The following ABCC5 variants were observed in gnomAD, a reference collection of about 807,000 sequenced individuals.
The protein encoded by ABCC5 is ATP binding cassette subfamily C member 5, also known as ATP-binding cassette sub-family C member 5.
ABCC5 carries 61 observed loss-of-function variants against 160.9 expected under a neutral mutation model. That is an observed-to-expected ratio of 0.38 (90% CI 0.31 to 0.47). The LOEUF is 0.47. Among genes scored for constraint, ABCC5 ranks in the 20% least tolerant of loss-of-function variants. The pLI is 0.99. For synonymous variants in ABCC5, 666 were observed against 700.6 expected (o/e 0.95, Z 0.78); for missense variants, 1,308 against 1,813.3 (o/e 0.72, Z 5.06).
intron 5 of ABCC5, chr3:183,984,162 T>C: frequency 4.1e-6 from 4 of 985,446 alleles, no homozygotes; most frequent in Non-Finnish European, 4.8e-6. Context: ...GTGCTACTGG[T>C]GCACTAAGTT....
chr3:183,946,993 C>T (rs980532943), intron 23 of ABCC5, among the ~76,000 whole-genome samples: 4 of 152,082 alleles, frequency 2.6e-5, no homozygotes, highest in African/African-American at 9.7e-5. Flanking sequence ...AGAAAGAGGC[C>T]AGAGATGAAA....
At chr3:183,984,308 C>T in intron 5 of ABCC5, 2 of 985,740 alleles carry the variant, frequency 2.0e-6, no homozygotes, top group Non-Finnish European at 2.4e-6. Context: ...AAAACCACAA[C>T]AAAAGAAAGC....
In ABCC5 at chr3:183,963,730, C is replaced by T; in HGVS notation, c.2032-142G>A. 4.0e-6 allele frequency: 3 copies of T among 757,822 alleles called. No homozygotes were observed. The highest frequency in any genetic ancestry group is 6.0e-6 in the Non-Finnish European group (3 of 496,402). 46.9% of individuals were successfully genotyped at this position (757,822 alleles called of 1,614,324 possible). On this transcript the variant is annotated intron_variant, in intron 14 of 29. Coordinates refer to ENST00000334444, the MANE Select transcript of ABCC5 (RefSeq NM_005688.4). The surrounding 1 kb of genome is among the most constrained non-coding windows in gnomAD (Gnocchi z 4.6). Reference sequence around the variant, plus strand: ...GCAGATGAACTGCCATGCTGATTCCCCGCAGATGAACTGCCATGCTGATCC... The same window carrying T: ...GCAGATGAACTGCCATGCTGATTCCTCGCAGATGAACTGCCATGCTGATCC...
At chr3:183,945,765 T>G in intron 24 of ABCC5, 85 bp downstream of exon 24, 1 of 1,050,098 alleles carries the variant, frequency 9.5e-7, no homozygotes, top group Non-Finnish European at 1.5e-6. Flanking sequence ...ACAAGCCTCC[T>G]CCTTGTACAC....
intron 2 of ABCC5, among the ~76,000 whole-genome samples, chr3:183,995,502 T>C (rs762802511): frequency 3.3e-5 from 5 of 152,234 alleles, no homozygotes; most frequent in Non-Finnish European, 5.9e-5. Flanking sequence ...CTTTTTTGCC[T>C]ACAGATGTCC....
Position 183,937,925 on chromosome 3 carries a change from G to A in ABCC5, c.3830C>T (p.Pro1277Leu), listed in dbSNP as rs765425167. The change falls in exon 26 of 30, where the codon CCG becomes CTG. Residue 1277 changes from proline to leucine, a missense_variant. This residue lies in a region of ABCC5 where 163 missense variants were observed against 269.7 expected (regional missense o/e 0.60). Transcript: ENST00000334444. ...RSKLSIIPQE[P>L]VLFSGTVRSN... is the part of the protein sequence containing the mutation. ...CCTGACAGTGCCACTGAACAGCACC[G>A]GCTCTTGAGGAATGATAGAGAGTTT... 5 of 1,614,184 alleles carry A rather than the reference G, an allele frequency of 3.1e-6. No homozygotes were observed. Among genetic ancestry groups the A allele is most frequent in the African/African-American group, 1.3e-5 (1 of 75,044 alleles).
Position 183,989,307 on chromosome 3 carries a change from A to G in ABCC5, c.206T>C (p.Leu69Pro). Reference sequence around the variant, plus strand: ...GGGATGCTCCTCATCCAGGATTCTGAGCTGAGAATGCATGGAGGCATCAAG... The same window carrying G: ...GGGATGCTCCTCATCCAGGATTCTGGGCTGAGAATGCATGGAGGCATCAAG... ...LSLDASMHSQ[L>P]RILDEEHPKG... Residue 69 changes from leucine to proline, a missense_variant, in exon 3 of 30, where the codon CTC (leucine) becomes CCC (proline). By Grantham distance (98) the Leu-to-Pro change is moderately conservative. Transcript: ENST00000334444. 6.2e-7 allele frequency: 1 copy of G among 1,614,046 alleles called. No homozygotes were observed. The highest frequency in any genetic ancestry group is 8.5e-7 in the Non-Finnish European group (1 of 1,180,020).
At chr3:183,968,192 G>A (rs1577555912) in intron 11 of ABCC5, among the ~76,000 whole-genome samples, 1 of 152,004 alleles carries the variant, frequency 6.6e-6, no homozygotes, top group Non-Finnish European at 1.5e-5. Context: ...ACAGTGGTGC[G>A]ATCTTGGCTC....
intron 17 of ABCC5, among the ~76,000 whole-genome samples, chr3:183,956,567 A>C (rs78104109): frequency 0.15 from 14,065 of 91,170 alleles, 799 homozygotes; most frequent in East Asian, 0.36. Context: ...CATGCAGATC[A>C]GTGTGTATAT....
chr3:183,956,503 C>A (rs559883687), intron 17 of ABCC5, among the ~76,000 whole-genome samples: 6 of 143,628 alleles, frequency 4.2e-5, no homozygotes, highest in Middle Eastern at 3.9e-3. Context: ...CATGCGGATC[C>A]GTGTGTATAT....
intron 12 of ABCC5, 55 bp downstream of exon 12, chr3:183,967,640 G>C: frequency 1.3e-6 from 2 of 1,495,690 alleles, no homozygotes; most frequent in Non-Finnish European, 1.9e-6. Flanking sequence ...CGTTTTTCCT[G>C]AGACTCTTGC....
At chr3:183,984,815 AAG>A in intron 5 of ABCC5, 1 of 1,582,890 alleles carries the variant, frequency 6.3e-7, no homozygotes, top group Non-Finnish European at 8.5e-7. Context: ...TCCTCACGTG[AAG>A]CAACTCAGTA....
intron 29 of ABCC5, among the ~76,000 whole-genome samples, chr3:183,925,154 A>C (rs1054730783): frequency 6.6e-6 from 1 of 152,238 alleles, no homozygotes; most frequent in African/African-American, 2.4e-5. Flanking sequence ...AGCGGTAATC[A>C]TTGTGTATGT....
intron 22 of ABCC5, among the ~76,000 whole-genome samples, chr3:183,948,858 C>T (rs578102413): frequency 3.4e-4 from 51 of 152,142 alleles, no homozygotes; most frequent in African/African-American, 1.1e-3. Context: ...CCTGCCACCA[C>T]GCCTGGTTAA....
At chr3:183,953,327 T>G in intron 17 of ABCC5, 57 bp from the exon 18 acceptor site, 1 of 1,497,584 alleles carries the variant, frequency 6.7e-7, no homozygotes, top group South Asian at 1.3e-5. Flanking sequence ...TCCATAAAAC[T>G]AAGTCACCTG....
chr3:183,984,851 T>C, intron 5 of ABCC5: 2 of 1,587,872 alleles, frequency 1.3e-6, no homozygotes, highest in Non-Finnish European at 1.7e-6. Flanking sequence ...GTGAAGCCTG[T>C]TCCCACACAC....
At chr3:183,923,538 G>A (rs142438818) in intron 29 of ABCC5, among the ~76,000 whole-genome samples, 327 of 152,220 alleles carry the variant, frequency 2.1e-3, no homozygotes, top group African/African-American at 7.7e-3. Context: ...CAGGAGAATC[G>A]CTTGAACCCC....
intron 10 of ABCC5, among the ~76,000 whole-genome samples, chr3:183,976,427 T>A (rs7637515): frequency 0.23 from 34,852 of 151,816 alleles, 4,946 homozygotes; most frequent in Middle Eastern, 0.33. Context: ...GCTATTTTTT[T>A]ATTTTTTTGT....
intron 2 of ABCC5, chr3:184,010,386 TG>T (rs1436350021): frequency 2.0e-5 from 3 of 152,234 alleles, no homozygotes; most frequent in Admixed American, 6.5e-5. Context: ...CATATTTCTC[TG>T]AGATAAGGCT....
Sources: allele counts gnomAD v4.1 joint callset (sites outside exome capture counted in the v4.1 genomes callset), GRCh38; gene constraint gnomAD v4.1.1; regional missense constraint gnomAD v4.1.1; non-coding constraint Gnocchi (gnomAD v3.1); transcripts MANE v1.5; gene names NCBI Gene and HGNC (gene_info 2026-07-23, HGNC 2026-07-21).